The following MCMBP variants were observed in gnomAD, a reference collection of about 807,000 sequenced individuals.
MCMBP encodes minichromosome maintenance complex binding protein.
In MCMBP, 31 loss-of-function variants were observed where a neutral mutation model predicts 81.3. That is an observed-to-expected ratio of 0.38 (90% CI 0.29 to 0.51). The LOEUF (loss-of-function observed/expected upper bound fraction) is 0.51. Ranked by LOEUF, MCMBP falls within the 20% of genes least tolerant of loss-of-function variation. The pLI, the probability that MCMBP is intolerant of heterozygous loss-of-function variation, is 0.87. For synonymous variants in MCMBP, 267 were observed against 275.9 expected, an observed-to-expected ratio of 0.97 and a Z score of 0.32; for missense variants, 645 against 772.1, an observed-to-expected ratio of 0.84 and a Z score of 1.95.
chr10:119,867,914 T>C (rs1853530496), intron 1 of MCMBP, among the ~76,000 whole-genome samples: 1 of 152,168 alleles, frequency 6.6e-6, no homozygotes, highest in Admixed American at 6.5e-5. Context: ...TCTGTTTAGA[T>C]TCATGGTGAT....
intron 1 of MCMBP, among the ~76,000 whole-genome samples, chr10:119,863,552 A>C (rs1044713342): frequency 9.9e-5 from 15 of 151,060 alleles, no homozygotes; most frequent in Non-Finnish European, 1.0e-4. Context: ...AACATGGCAA[A>C]CCCCCGTCTC....
intron 8 of MCMBP, among the ~76,000 whole-genome samples, chr10:119,844,843 C>T (rs542641596): frequency 6.6e-6 from 1 of 152,100 alleles, no homozygotes; most frequent in East Asian, 1.9e-4. Context: ...CCAAGTTCTT[C>T]AGCTTTTGGA....
intron 1 of MCMBP, among the ~76,000 whole-genome samples, chr10:119,867,243 A>G (rs1853495239): frequency 7.2e-6 from 1 of 138,012 alleles, no homozygotes; most frequent in South Asian, 2.4e-4. Context: ...CAGTGAGCCG[A>G]AATCGCACCA....
chr10:119,864,558 T>C (rs1311449544), intron 1 of MCMBP, among the ~76,000 whole-genome samples: 1 of 141,588 alleles, frequency 7.1e-6, no homozygotes, highest in African/African-American at 2.4e-5. Flanking sequence ...TTTGCCAGTA[T>C]GGCTAGAGGT....
intron 1 of MCMBP, among the ~76,000 whole-genome samples, chr10:119,863,799 A>G (rs961861465): frequency 1.4e-5 from 2 of 147,712 alleles, no homozygotes; most frequent in Non-Finnish European, 3.0e-5. Context: ...CCTTGAAAAC[A>G]TTATGCTAAG....
At chr10:119,868,150 C>T (rs900148539) in intron 1 of MCMBP, among the ~76,000 whole-genome samples, 7 of 152,120 alleles carry the variant, frequency 4.6e-5, no homozygotes, top group Admixed American at 1.3e-4. Flanking sequence ...AGAGGCTGGG[C>T]GCAGCAGCTC....
In MCMBP at chr10:119,857,429, T is replaced by C; in HGVS notation, c.338A>G (p.Glu113Gly). The stretch of plus-strand genomic sequence containing the variant: ...ATTTCGTGGAGAGTTTAAATCAAGT[T>C]CTTGTTGAGGCTGTGATATACATAA... ...RDVAECGPQQ[E>G]LDLNSPRNTT... The change falls in exon 5 of 16, where the codon GAA becomes GGA. Residue 113 changes from glutamate to glycine, a missense_variant. By Grantham distance (98) the Glu-to-Gly change is moderately conservative. Coordinates refer to ENST00000369077, the MANE Select transcript of MCMBP (RefSeq NM_001256378.2). The C allele has an allele frequency of 1.2e-6, 2 of 1,606,178 alleles. No homozygotes were observed. The highest frequency in any genetic ancestry group is 2.2e-5 in the South Asian group (2 of 89,804).
At chr10:119,852,029 G>A (rs1449581042) in intron 6 of MCMBP, among the ~76,000 whole-genome samples, 1 of 151,782 alleles carries the variant, frequency 6.6e-6, no homozygotes, top group Non-Finnish European at 1.5e-5. Context: ...GCGCATGCCT[G>A]TAATTCCAGC....
intron 9 of MCMBP, 169 bp downstream of exon 9, chr10:119,843,084 GA>G: frequency 1.4e-6 from 1 of 712,706 alleles, no homozygotes; most frequent in Non-Finnish European, 2.4e-6. Context: ...TTTCAGTGAA[GA>G]GAATTAATGT....
At chr10:119,832,218 T>TG in intron 14 of MCMBP, 118 bp from the exon 15 acceptor site, 1 of 715,380 alleles carries the variant, frequency 1.4e-6, no homozygotes. Flanking sequence ...GGAGGCAATA[T>TG]GGGTGAAAGT....
Position 119,838,437 on chromosome 10 carries a change from T to C in MCMBP, c.1408+98A>G, listed in dbSNP as rs1021313082. 6.0e-6 allele frequency: 7 copies of C among 1,158,398 alleles called. No individual in the cohort carries two copies. The South Asian group carries it at 6.5e-5, about 11-fold the overall frequency. 71.8% of individuals were successfully genotyped at this position (1,158,398 alleles called of 1,614,324 possible). A position where few individuals can be genotyped will look rare whatever the true frequency, so the allele number is the denominator to read the frequency against. On this transcript the variant is annotated intron_variant, in intron 12 of 15. Coordinates refer to ENST00000369077, the MANE Select transcript of MCMBP (RefSeq NM_001256378.2). ...CAAGCCTTTATCTTACGTTGTTAAA[T>C]GTGAATTTGTCCATAGATACTCTTC...
rs142159188 is a variant in MCMBP, at chr10:119,832,252, G to T, written c.1708-152C>A. On this transcript the variant is annotated intron_variant, in intron 14 of 15. Transcript: ENST00000369077. ...GTACCAAAGCATATACATACATAAT[G>T]CTGCTGATGAAAATAAAATAATGAA... 475 of 519,394 alleles carry T rather than the reference G, an allele frequency of 9.1e-4. 1 individual carries two copies. Among genetic ancestry groups the T allele is most frequent in the African/African-American group, 7.7e-3 (394 of 51,166 alleles). 32.2% of individuals were successfully genotyped at this position (519,394 alleles called of 1,614,324 possible).
chr10:119,855,487 T>C (rs1228227960), intron 5 of MCMBP, among the ~76,000 whole-genome samples: 2 of 152,118 alleles, frequency 1.3e-5, no homozygotes, highest in Non-Finnish European at 2.9e-5. Context: ...CTGGCCAACA[T>C]GGTAAAACCC....
rs1039360913 is a variant in MCMBP, at chr10:119,843,358, G to A, written c.896C>T (p.Pro299Leu). Residue 299 changes from proline (P) to leucine (L), a missense_variant, in exon 9 of 16, where the codon CCT (proline) becomes CTT (leucine). Physicochemically the swap from Pro to Leu is moderately conservative, Grantham distance 98. Transcript: ENST00000369077. Reference sequence around the variant, plus strand: ...AATTCTCGGCACTAATGAAGCAGGAGGACTGTGTACTCTCTGCTCCTCTGC... The same window carrying A: ...AATTCTCGGCACTAATGAAGCAGGAAGACTGTGTACTCTCTGCTCCTCTGC... ...DTAEEQRVHSPPASLVPRIHV... is the reference protein window; with the variant it reads ...DTAEEQRVHSLPASLVPRIHV... 2 of 1,613,940 alleles carry A rather than the reference G, an allele frequency of 1.2e-6. No individual in the cohort carries two copies. Among genetic ancestry groups the A allele is most frequent in the Non-Finnish European group, 1.7e-6 (2 of 1,179,960 alleles).
At chr10:119,869,473 G>A (rs1014371597) in intron 1 of MCMBP, among the ~76,000 whole-genome samples, 21 of 152,196 alleles carry the variant, frequency 1.4e-4, no homozygotes, top group African/African-American at 4.8e-4. Flanking sequence ...TCAGGGGGCT[G>A]AGGCAGGAGA....
chr10:119,872,613 C>T lies in MCMBP; in HGVS notation c.-29G>A, dbSNP rs1425990853. On this transcript the variant is annotated 5_prime_UTR_variant, in exon 1 of 16. Coordinates refer to ENST00000369077, the MANE Select transcript of MCMBP (RefSeq NM_001256378.2). ...GCCAGGGGCCGGGGCCGGCGAAGAC[C>T]GGGCGGAGGCGATCCGCGGGCCGAG... 22 of 1,151,350 alleles carry T rather than the reference C, an allele frequency of 1.9e-5. No homozygotes were observed. Among genetic ancestry groups the T allele is most frequent in the Non-Finnish European group, 2.3e-5 (21 of 929,434 alleles). The allele number at this position is 1,151,350 out of a possible 1,614,324, so 71.3% of individuals were successfully genotyped here. A position where few individuals can be genotyped will look rare whatever the true frequency, so the allele number is the denominator to read the frequency against.
At chr10:119,857,495 A>G in intron 4 of MCMBP, 56 bp from the exon 5 acceptor site, 6 of 1,199,728 alleles carry the variant, frequency 5.0e-6, no homozygotes, top group South Asian at 1.5e-5. Context: ...CCCAAAATTT[A>G]TTTTAAAATT....
At chr10:119,869,336 G>A (rs946607125) in intron 1 of MCMBP, among the ~76,000 whole-genome samples, 4 of 152,348 alleles carry the variant, frequency 2.6e-5, no homozygotes, top group African/African-American at 9.6e-5. Context: ...CACTTTGGGA[G>A]GCCAAGGTGG....
rs146100079 is a variant in MCMBP, at chr10:119,850,254, T to C, written c.575-678A>G. On this transcript the variant is annotated intron_variant, in intron 6 of 15. Transcript: ENST00000369077. The stretch of plus-strand genomic sequence containing the variant: ...GACAATCCCCAAAGTTTATGTAATA[T>C]ACAATTCCATTCTTAAAATGACAAA... 2.0e-3 allele frequency among the ~76,000 whole-genome samples: 306 copies of C among 152,286 alleles called. 1 individual carries two copies. The highest frequency in any genetic ancestry group is 3.7e-3 in the Non-Finnish European group (254 of 68,014).
Sources: gnomAD v4.1 joint callset for allele counts (sites outside exome capture counted in the v4.1 genomes callset) on GRCh38, gnomAD v4.1.1 for gene constraint, MANE v1.5 for transcripts, NCBI Gene and HGNC (gene_info 2026-07-23, HGNC 2026-07-21) for gene names.